SNPH: variants seen among roughly 807,000 people sequenced by gnomAD.
SNPH encodes the protein syntaphilin.
SNPH carries 10 observed loss-of-function variants against 36.8 expected under a neutral mutation model. The observed-to-expected ratio is 0.27, with a 90% confidence interval of 0.17 to 0.46. The LOEUF (loss-of-function observed/expected upper bound fraction) is 0.46. Among genes scored for constraint, SNPH ranks in the 20% least tolerant of loss-of-function variants. SNPH has a pLI of 1.00. For synonymous variants in SNPH, 281 were observed against 312.2 expected, an observed-to-expected ratio of 0.90 and a Z score of 1.05; for missense variants, 622 against 744.0, an observed-to-expected ratio of 0.84 and a Z score of 1.91.
At chr20:1,281,286 G>C (rs3795144) in intron 2 of SNPH, among the ~76,000 whole-genome samples, 7 of 152,036 alleles carry the variant, frequency 4.6e-5, no homozygotes, top group African/African-American at 1.7e-4. Context: ...TTAAAACGTC[G>C]TCATCCCTGA....
chr20:1,278,327 A>G (rs1437459853), intron 2 of SNPH, among the ~76,000 whole-genome samples: 2 of 151,776 alleles, frequency 1.3e-5, no homozygotes, highest in African/African-American at 2.4e-5. Context: ...CCTGTTTGCT[A>G]TGCTTTCTGT....
At chr20:1,286,124 C>T (rs2088282223) in intron 2 of SNPH, among the ~76,000 whole-genome samples, 1 of 150,236 alleles carries the variant, frequency 6.7e-6, no homozygotes, top group Admixed American at 6.6e-5. Flanking sequence ...GATAAAGGGC[C>T]TTTAAAATAG....
At chr20:1,284,279 T>G (rs1242262418) in intron 2 of SNPH, among the ~76,000 whole-genome samples, 1 of 152,186 alleles carries the variant, frequency 6.6e-6, no homozygotes, top group Non-Finnish European at 1.5e-5. Context: ...CCCCTTTTGT[T>G]GACTTGCTAA....
Position 1,296,271 on chromosome 20 carries a change from C to T in SNPH, c.32C>T (p.Thr11Met), listed in dbSNP as rs2088431790. The change falls in exon 4 of 7, where the codon ACG (threonine) becomes ATG (methionine). Residue 11 changes from threonine (T) to methionine (M), a missense_variant. Thr to Met is a moderately conservative substitution (Grantham distance 81). Transcript: ENST00000381867. Reference sequence around the variant, plus strand: ...GGCAGCGGCCCCAGCGAGAGGATGACGTGGCCTGGCCCGGCCCTTTCTGCG... The same window carrying T: ...GGCAGCGGCCCCAGCGAGAGGATGATGTGGCCTGGCCCGGCCCTTTCTGCG... Reference protein sequence around the residue: MPGSGPSERMTWPGPALSAGP... With the variant: MPGSGPSERMMWPGPALSAGP... 3.2e-6 allele frequency: 5 copies of T among 1,555,940 alleles called. No homozygotes were observed. Among genetic ancestry groups the T allele is most frequent in the East Asian group, 5.1e-5 (2 of 39,424 alleles).
chr20:1,296,906 C>A, intron 4 of SNPH: 1 of 315,350 alleles, frequency 3.2e-6, no homozygotes, highest in Non-Finnish European at 4.6e-6. Context: ...TGCAGCCCTG[C>A]CGGCCCCCAT....
chr20:1,302,613 C>A (rs2088516547), intron 6 of SNPH, among the ~76,000 whole-genome samples: 1 of 152,008 alleles, frequency 6.6e-6, no homozygotes, highest in South Asian at 2.1e-4. Context: ...AACCCCATTC[C>A]CATTAGCAAT....
chr20:1,297,945 C>T (rs893948577), intron 5 of SNPH, among the ~76,000 whole-genome samples: 4 of 152,170 alleles, frequency 2.6e-5, no homozygotes, highest in East Asian at 1.9e-4. Flanking sequence ...CGAAATGTTA[C>T]GAATGCAGCA....
At chr20:1,269,332 C>G (rs765362640) in intron 2 of SNPH, among the ~76,000 whole-genome samples, 1 of 152,202 alleles carries the variant, frequency 6.6e-6, no homozygotes, top group African/African-American at 2.4e-5. Context: ...TTACCCTCAA[C>G]GTCATTTATG....
chr20:1,304,839 G>A lies in SNPH; in HGVS notation c.441-39G>A, dbSNP rs1280021918. The A allele has an allele frequency of 6.3e-7, 1 of 1,583,752 alleles. No homozygotes were observed. The highest frequency in any genetic ancestry group is 8.6e-7 in the Non-Finnish European group (1 of 1,160,314). On this transcript the variant is annotated intron_variant, in intron 6 of 6. Transcript: ENST00000381867. The surrounding 1 kb of genome is among the most constrained non-coding windows in gnomAD (Gnocchi z 4.3). ...CTCCTTGGCGGTGACAGACCAGGCA[G>A]GCAGGCAGTGAGCGTGTGTGTGTCT...
At chr20:1,297,039 C>T in intron 4 of SNPH, 106 bp from the exon 5 acceptor site, 2 of 1,477,602 alleles carry the variant, frequency 1.4e-6, no homozygotes, top group Non-Finnish European at 1.8e-6. Context: ...CTGTGGTGAC[C>T]CCAAAGCGGG....
chr20:1,296,047 G>C lies in SNPH; in HGVS notation c.-193G>C. ...TGACCTTGGGCACGGCCTTCACTCTGTCTGGGGCACATTCACTCATCTGGA... is the reference window on the plus strand; with the variant it reads ...TGACCTTGGGCACGGCCTTCACTCTCTCTGGGGCACATTCACTCATCTGGA... On this transcript the variant is annotated 5_prime_UTR_variant, in exon 4 of 7. Coordinates refer to ENST00000381867, the MANE Select transcript of SNPH (RefSeq NM_001318234.2). 1 of 530,722 alleles carries C rather than the reference G, an allele frequency of 1.9e-6. No homozygotes were observed. The highest frequency in any genetic ancestry group is 3.2e-6 in the Non-Finnish European group (1 of 309,712). The allele number at this position is 530,722 out of a possible 1,614,324, so 32.9% of individuals were successfully genotyped here.
chr20:1,268,045 G>T (rs2088029060), intron 2 of SNPH, among the ~76,000 whole-genome samples: 1 of 152,210 alleles, frequency 6.6e-6, no homozygotes. Context: ...ACTGCTTTTA[G>T]TCCTGTTCTC....
intron 5 of SNPH, among the ~76,000 whole-genome samples, chr20:1,299,045 C>T (rs2088474709): frequency 6.6e-6 from 1 of 151,952 alleles, no homozygotes; most frequent in African/African-American, 2.4e-5. Context: ...ACTCCTCCGC[C>T]CCTTGCCAAG....
In SNPH at chr20:1,266,781, C is replaced by T. The variant is rs1019183430; in HGVS notation, c.-493+21C>T. 63 of 1,340,744 alleles carry T rather than the reference C, an allele frequency of 4.7e-5. No homozygotes were observed. The highest frequency in any genetic ancestry group is 6.0e-5 in the Non-Finnish European group (63 of 1,046,602). 83.1% of individuals were successfully genotyped at this position (1,340,744 alleles called of 1,614,324 possible). Reference sequence around the variant, plus strand: ...CTCAGGTGAGGAGGCCGCGGCGGAGCGGGGAGCTGGCCCTGCGCTGCACCG... The same window carrying T: ...CTCAGGTGAGGAGGCCGCGGCGGAGTGGGGAGCTGGCCCTGCGCTGCACCG... On this transcript the variant is annotated intron_variant, in intron 2 of 6. Transcript: ENST00000381867. This position sits in a 1 kb window ranked among gnomAD's most constrained non-coding sequence, Gnocchi z 6.0.
At chr20:1,297,989 C>T (rs902170848) in intron 5 of SNPH, among the ~76,000 whole-genome samples, 47 of 152,148 alleles carry the variant, frequency 3.1e-4, no homozygotes, top group African/African-American at 4.8e-5. Context: ...GAGGTGAACT[C>T]GGACTCACAA....
Position 1,306,362 on chromosome 20 carries a change from C to T in SNPH, c.*308C>T. 3.4e-6 allele frequency: 1 copy of T among 291,190 alleles called. No homozygotes were observed. Among genetic ancestry groups the T allele is most frequent in the Non-Finnish European group, 6.3e-6 (1 of 159,222 alleles). 18.0% of individuals were successfully genotyped at this position (291,190 alleles called of 1,614,324 possible). On this transcript the variant is annotated 3_prime_UTR_variant, in exon 7 of 7. Transcript: ENST00000381867. ...GTCCCCTTGGCTCTTCAGACAGGGC[C>T]AGCCCTGCTCAGGAAGTCTCTGGCT...
Position 1,294,729 on chromosome 20 carries a change from G to A in SNPH, c.-492-222G>A, listed in dbSNP as rs534414003. 2.0e-5 allele frequency among the ~76,000 whole-genome samples: 3 copies of A among 152,326 alleles called. No homozygotes were observed. Among genetic ancestry groups the A allele is most frequent in the East Asian group, 1.9e-4 (1 of 5,174 alleles). On this transcript the variant is annotated intron_variant, in intron 2 of 6. Coordinates refer to ENST00000381867, the MANE Select transcript of SNPH (RefSeq NM_001318234.2). The surrounding 1 kb of genome is among the most constrained non-coding windows in gnomAD (Gnocchi z 4.4). ...CACTCAGGAGGCAGCCCCGCCGCTG[G>A]CTGGGATGACCAGGCTCCGGGGAGG...
Position 1,306,093 on chromosome 20 carries a change from C to T in SNPH, c.*39C>T. ...GGCAGCGGCGCCTGCGGCCTGACCA[C>T]TGATTGTAGGGATGCCGTTCCCCCC... On this transcript the variant is annotated 3_prime_UTR_variant, in exon 7 of 7. Coordinates refer to ENST00000381867, the MANE Select transcript of SNPH (RefSeq NM_001318234.2). 7.2e-7 allele frequency: 1 copy of T among 1,387,640 alleles called. No individual in the cohort carries two copies. Among genetic ancestry groups the T allele is most frequent in the Non-Finnish European group, 9.4e-7 (1 of 1,065,308 alleles). 86.0% of individuals were successfully genotyped at this position (1,387,640 alleles called of 1,614,324 possible). A position where few individuals can be genotyped will look rare whatever the true frequency, so the allele number is the denominator to read the frequency against.
At chr20:1,284,619 A>G (rs1282465142) in intron 2 of SNPH, among the ~76,000 whole-genome samples, 1 of 152,166 alleles carries the variant, frequency 6.6e-6, no homozygotes, top group Non-Finnish European at 1.5e-5. Context: ...ACCTTGGAGC[A>G]AAGACCTGAA....
Sources: gnomAD v4.1 joint callset for allele counts (sites outside exome capture counted in the v4.1 genomes callset) on GRCh38, gnomAD v4.1.1 for gene constraint, Gnocchi (gnomAD v3.1) non-coding constraint, MANE v1.5 for transcripts, NCBI Gene and HGNC (gene_info 2026-07-23, HGNC 2026-07-21) for gene names.